The following SLC26A7 variants were observed in gnomAD, a reference collection of about 807,000 sequenced individuals.
SLC26A7 encodes the protein anion exchange transporter.
SLC26A7 carries 59 observed loss-of-function variants against 82.5 expected under a neutral mutation model. The observed-to-expected ratio is 0.72, with a 90% CI of 0.58 to 0.89. The LOEUF (loss-of-function observed/expected upper bound fraction) is 0.89, where lower values mean the gene tolerates loss of function less well. Among genes scored for constraint, SLC26A7 ranks in the 40% least tolerant of loss-of-function variants. SLC26A7 has a pLI of 0.00. For synonymous variants in SLC26A7, 271 were observed against 274.3 expected (o/e 0.99, Z 0.12); for missense variants, 820 against 793.0 (o/e 1.03, Z -0.41).
chr8:91,265,232 T>C (rs1811079402), intron 2 of SLC26A7, among the ~76,000 whole-genome samples: 1 of 152,078 alleles, frequency 6.6e-6, no homozygotes, highest in African/African-American at 2.4e-5. Flanking sequence ...ATTCTAGTTT[T>C]ATAGCTGAAT....
intron 15 of SLC26A7, among the ~76,000 whole-genome samples, chr8:91,370,925 C>A (rs937177721): frequency 2.0e-5 from 3 of 151,714 alleles, no homozygotes; most frequent in African/African-American, 7.3e-5. Context: ...GTAGAGATAA[C>A]AGTGATTTTT....
intron 8 of SLC26A7, among the ~76,000 whole-genome samples, chr8:91,340,835 A>G (rs1018474548): frequency 4.6e-5 from 7 of 152,156 alleles, no homozygotes; most frequent in Non-Finnish European, 7.4e-5. Context: ...ATTGCATGCT[A>G]ATGTTTAATA....
At chr8:91,280,373 A>G (rs1176644660) in intron 2 of SLC26A7, among the ~76,000 whole-genome samples, 2 of 152,200 alleles carry the variant, frequency 1.3e-5, no homozygotes, top group Non-Finnish European at 2.9e-5. Context: ...CAAAACTTGT[A>G]AGAAAACAAA....
intron 4 of SLC26A7, among the ~76,000 whole-genome samples, chr8:91,300,461 G>C (rs1812133380): frequency 6.6e-6 from 1 of 150,848 alleles, no homozygotes; most frequent in African/African-American, 2.4e-5. Flanking sequence ...GCAGGGGCGC[G>C]ATCTCGGCTC....
Position 91,395,251 on chromosome 8 carries a change from A to C in SLC26A7, c.*154A>C, listed in dbSNP as rs1403124636. ...CTTAGTAACTGCATAGCAGTTGGAA[A>C]GAACTGCCAACTTTTTTTTCTCATT... On this transcript the variant is annotated 3_prime_UTR_variant, in exon 19 of 19. Coordinates refer to ENST00000276609, the MANE Select transcript of SLC26A7 (RefSeq NM_052832.4). 2.1e-6 allele frequency: 3 copies of C among 1,406,190 alleles called. No individual in the cohort carries two copies. The African/African-American group carries it at 4.4e-5, about 20-fold the overall frequency. The allele number at this position is 1,406,190 out of a possible 1,614,324, so 87.1% of individuals were successfully genotyped here.
intron 16 of SLC26A7, 38 bp downstream of exon 16, chr8:91,389,476 T>C: frequency 6.8e-7 from 1 of 1,473,622 alleles, no homozygotes; most frequent in Non-Finnish European, 9.5e-7. Context: ...GTTTCTTCCC[T>C]TTTGTTCAGT....
At position 91,343,365 on chromosome 8, in the gene SLC26A7, C is replaced by T. The variant is rs182135636; in HGVS notation, c.1039C>T (p.His347Tyr). ...SIDDNQEFLAHGLSNIVSSFF... is the reference protein window; with the variant it reads ...SIDDNQEFLAYGLSNIVSSFF... Reference sequence around the variant, plus strand: ...ATGAATCTTGCAGGAATTTTTGGCCCATGGCCTCAGCAATATAGTTTCTTC... The same window carrying T: ...ATGAATCTTGCAGGAATTTTTGGCCTATGGCCTCAGCAATATAGTTTCTTC... The change falls in exon 9 of 19, where the codon CAT becomes TAT. Residue 347 changes from histidine (H) to tyrosine (Y), a missense_variant. Transcript: ENST00000276609. 2.7e-5 allele frequency: 44 copies of T among 1,607,674 alleles called. 1 individual carries two copies. The Admixed American group carries it at 5.2e-4, about 19-fold the overall frequency.
At chr8:91,222,423 A>T (rs1194658697) in intron 2 of SLC26A7, among the ~76,000 whole-genome samples, 1 of 152,134 alleles carries the variant, frequency 6.6e-6, no homozygotes, top group Non-Finnish European at 1.5e-5. Flanking sequence ...GAGGGGTGAG[A>T]GAAGGCATCC....
At chr8:91,271,585 G>T (rs902920328) in intron 2 of SLC26A7, among the ~76,000 whole-genome samples, 22 of 144,188 alleles carry the variant, frequency 1.5e-4, no homozygotes, top group Non-Finnish European at 3.2e-4. Context: ...GTGGTCTAGA[G>T]AAATCTTTTT....
intron 15 of SLC26A7, among the ~76,000 whole-genome samples, chr8:91,373,112 G>A (rs1047774472): frequency 2.6e-5 from 4 of 151,822 alleles, no homozygotes; most frequent in Non-Finnish European, 4.4e-5. Flanking sequence ...ATTAGTTCCA[G>A]AAACCTTTTG....
At position 91,318,391 on chromosome 8, in the gene SLC26A7, C is replaced by T. The variant is rs113237241; in HGVS notation, c.642+11C>T. ...CTTGGATTCTTTTATGTGAGTTTTT[C>T]GTATGCTTTCATACATATCTTTTGA... is the stretch of plus-strand genomic sequence containing the variant. On this transcript the variant is annotated intron_variant, in intron 5 of 18. Transcript: ENST00000276609. The T allele has an allele frequency of 6.3e-4, 1,007 of 1,590,370 alleles. 4 individuals carry two copies. In the African/African-American group the frequency reaches 8.9e-3, roughly 14 times the overall value.
intron 2 of SLC26A7, among the ~76,000 whole-genome samples, chr8:91,223,693 T>G (rs1344055086): frequency 6.6e-6 from 1 of 152,174 alleles, no homozygotes; most frequent in Non-Finnish European, 1.5e-5. Flanking sequence ...TGGTTTTCTC[T>G]GTATTTGCTG....
intron 6 of SLC26A7, among the ~76,000 whole-genome samples, chr8:91,336,653 G>T (rs1304065645): frequency 6.6e-6 from 1 of 152,110 alleles, no homozygotes. Flanking sequence ...TCTAAGGGCA[G>T]TATTGGCCTT....
At chr8:91,271,369 T>C (rs1811262616) in intron 2 of SLC26A7, among the ~76,000 whole-genome samples, 1 of 152,326 alleles carries the variant, frequency 6.6e-6, no homozygotes, top group African/African-American at 2.4e-5. Flanking sequence ...CCTAAGTGGC[T>C]AGAGCAGTGC....
intron 4 of SLC26A7, among the ~76,000 whole-genome samples, chr8:91,314,320 A>G (rs994829928): frequency 6.6e-6 from 1 of 152,182 alleles, no homozygotes; most frequent in Admixed American, 6.5e-5. Flanking sequence ...CACCTACTTC[A>G]GTTTGAAGAT....
intron 1 of SLC26A7, among the ~76,000 whole-genome samples, chr8:91,211,415 A>G (rs911775832): frequency 1.1e-4 from 16 of 151,514 alleles, no homozygotes; most frequent in African/African-American, 3.9e-4. Context: ...AATATATATT[A>G]CTAGATGTTA....
chr8:91,238,724 C>T (rs1810425980), intron 2 of SLC26A7, among the ~76,000 whole-genome samples: 1 of 151,964 alleles, frequency 6.6e-6, no homozygotes. Flanking sequence ...AAGTATATCT[C>T]TCCCTCATTC....
In SLC26A7 at chr8:91,295,691, A is replaced by G. The variant is rs1811998778; in HGVS notation, c.465A>G (p.Gly155=). 1 of 1,613,732 alleles carries G rather than the reference A, an allele frequency of 6.2e-7. No homozygotes were observed. The highest frequency in any genetic ancestry group is 1.7e-5 in the Admixed American group (1 of 59,994). The change falls in exon 4 of 19, where the codon GGA becomes GGG. Residue 155 remains glycine, a synonymous_variant. Coordinates refer to ENST00000276609, the MANE Select transcript of SLC26A7 (RefSeq NM_052832.4). ...IHVAAAVSFL[G]GVIQVAMFVL... The stretch of plus-strand genomic sequence containing the variant: ...TTGCTGCAGCAGTTTCCTTCTTGGG[A>G]GGTGTGATTCAGGTAAGTGATACTG...
At chr8:91,360,906 C>T (rs1814031747) in intron 11 of SLC26A7, among the ~76,000 whole-genome samples, 1 of 151,984 alleles carries the variant, frequency 6.6e-6, no homozygotes, top group African/African-American at 2.4e-5. Context: ...TGATTAAGTA[C>T]AGCATAATAC....
Sources: gnomAD v4.1 joint callset for allele counts (sites outside exome capture counted in the v4.1 genomes callset) on GRCh38, gnomAD v4.1.1 for gene constraint, MANE v1.5 for transcripts, NCBI Gene and HGNC (gene_info 2026-07-23, HGNC 2026-07-21) for gene names.